ENOX1: variants seen among roughly 807,000 people sequenced by gnomAD.
ENOX1 encodes candidate growth-related and time keeping constitutive hydroquinone (NADH) oxidase.
In ENOX1, 42 loss-of-function variants were observed where a neutral mutation model predicts 82.5. The observed-to-expected ratio is 0.51, with a 90% CI of 0.40 to 0.66. The LOEUF (loss-of-function observed/expected upper bound fraction) is 0.66. Ranked by LOEUF, ENOX1 falls within the 30% of genes least tolerant of loss-of-function variation. ENOX1 has a pLI of 0.00. For missense variants in ENOX1, 608 were observed against 811.6 expected, an observed-to-expected ratio of 0.75 and a Z score of 3.05; for synonymous variants, 271 against 282.2, an observed-to-expected ratio of 0.96 and a Z score of 0.40.
intron 9 of ENOX1, among the ~76,000 whole-genome samples, chr13:43,341,031 C>T (rs2049021402): frequency 1.3e-5 from 2 of 152,164 alleles, no homozygotes; most frequent in African/African-American, 4.8e-5. Flanking sequence ...GGCACAGTGG[C>T]TTACACCTGT....
intron 2 of ENOX1, among the ~76,000 whole-genome samples, chr13:43,504,292 C>T (rs1000859878): frequency 1.3e-5 from 2 of 151,626 alleles, no homozygotes; most frequent in Non-Finnish European, 3.0e-5. Context: ...AGAACTACCA[C>T]TGGATAGTAG....
At chr13:43,457,851 C>T (rs2057300987) in intron 3 of ENOX1, among the ~76,000 whole-genome samples, 1 of 152,094 alleles carries the variant, frequency 6.6e-6, no homozygotes, top group South Asian at 2.1e-4. Flanking sequence ...CATGTCCAGA[C>T]CAACTTCTAA....
intron 2 of ENOX1, among the ~76,000 whole-genome samples, chr13:43,578,644 T>C (rs2080553682): frequency 6.6e-6 from 1 of 152,198 alleles, no homozygotes; most frequent in Non-Finnish European, 1.5e-5. Context: ...CACTTTTTTG[T>C]TCACAATGCA....
At chr13:43,413,470 G>C (rs9533479) in intron 3 of ENOX1, among the ~76,000 whole-genome samples, 149,175 of 152,040 alleles carry the variant, frequency 0.98, 73,254 homozygotes, top group East Asian at 1. Flanking sequence ...AAGGAAAAAG[G>C]AAGAACCCAT....
At chr13:43,542,447 T>C (rs1167685387) in intron 2 of ENOX1, among the ~76,000 whole-genome samples, 1 of 149,326 alleles carries the variant, frequency 6.7e-6, no homozygotes, top group South Asian at 2.2e-4. Context: ...TTTTTTTTTT[T>C]TTTCTAATGA....
chr13:43,701,509 G>A (rs546664325), intron 1 of ENOX1, among the ~76,000 whole-genome samples: 18 of 152,064 alleles, frequency 1.2e-4, no homozygotes, highest in Non-Finnish European at 2.5e-4. Flanking sequence ...ATACCTTAGT[G>A]CTTACACAAA....
At chr13:43,461,576 A>G (rs1421457558) in intron 3 of ENOX1, among the ~76,000 whole-genome samples, 11 of 152,220 alleles carry the variant, frequency 7.2e-5, no homozygotes, top group Non-Finnish European at 1.5e-4. Context: ...ATCAAGGCAA[A>G]TGACCCCACC....
At chr13:43,774,997 G>A (rs1320017523) in intron 1 of ENOX1, among the ~76,000 whole-genome samples, 4 of 151,942 alleles carry the variant, frequency 2.6e-5, no homozygotes, top group African/African-American at 9.7e-5. Flanking sequence ...ACAGGTGCCT[G>A]CCATCATGCC....
intron 2 of ENOX1, among the ~76,000 whole-genome samples, chr13:43,576,576 G>A (rs1471416398): frequency 3.3e-5 from 5 of 151,934 alleles, no homozygotes; most frequent in Non-Finnish European, 2.9e-5. Context: ...AGTACATACT[G>A]CTACTGAAAA....
intron 11 of ENOX1, chr13:43,320,968 G>A (rs1484480077): frequency 2.3e-6 from 1 of 439,290 alleles, no homozygotes; most frequent in Admixed American, 2.4e-5. Context: ...GAGTAAAGCA[G>A]TCCTGAGGAA....
intron 3 of ENOX1, among the ~76,000 whole-genome samples, chr13:43,416,799 T>C (rs2054617001): frequency 6.6e-6 from 1 of 150,772 alleles, no homozygotes; most frequent in Non-Finnish European, 1.5e-5. Flanking sequence ...CCCCACTTCC[T>C]AGATGGGGTG....
intron 2 of ENOX1, among the ~76,000 whole-genome samples, chr13:43,555,160 C>T (rs2079378975): frequency 1.3e-5 from 2 of 152,108 alleles, no homozygotes; most frequent in African/African-American, 2.4e-5. Flanking sequence ...TATCCCAAAG[C>T]TTTCATGAGT....
chr13:43,221,224 C>T lies in ENOX1; in HGVS notation c.1800+2829G>A, dbSNP rs138626152. 1.9e-3 allele frequency among the ~76,000 whole-genome samples: 292 copies of T among 152,266 alleles called. 1 individual carries two copies. The highest frequency in any genetic ancestry group is 6.8e-3 in the African/African-American group (282 of 41,548). ...GGTGTGTAGAGGGGGCAACCAGACA[C>T]GCTTGGAAAACTGAGCCTTCATCTC... On this transcript the variant is annotated intron_variant, in intron 16 of 16. Transcript: ENST00000690772.
At chr13:43,439,695 T>C (rs1165311159) in intron 3 of ENOX1, among the ~76,000 whole-genome samples, 2 of 152,190 alleles carry the variant, frequency 1.3e-5, no homozygotes, top group East Asian at 3.8e-4. Context: ...CTTTTACATA[T>C]TTTTCATTTA....
intron 5 of ENOX1, among the ~76,000 whole-genome samples, chr13:43,364,161 C>A (rs2050697090): frequency 6.6e-6 from 1 of 152,116 alleles, no homozygotes; most frequent in Non-Finnish European, 1.5e-5. Context: ...ATATGATGTA[C>A]TCGCTCATTA....
chr13:43,533,832 TCTGAAGTACTGAGGAATTTTCATTG>T (rs1373212599), intron 2 of ENOX1, among the ~76,000 whole-genome samples: 1 of 152,162 alleles, frequency 6.6e-6, no homozygotes, highest in Non-Finnish European at 1.5e-5. Context: ...TAAAATGTAT[TCTGAAGTACTGAGGAATTTTCATTG>T]TTATGGAGGC....
At chr13:43,307,599 T>G (rs1566473690) in intron 11 of ENOX1, among the ~76,000 whole-genome samples, 1 of 152,222 alleles carries the variant, frequency 6.6e-6, no homozygotes, top group Non-Finnish European at 1.5e-5. Context: ...CCTTCTCTCC[T>G]GCTTTTACAA....
At chr13:43,264,273 A>G (rs941247847) in intron 14 of ENOX1, among the ~76,000 whole-genome samples, 1 of 152,224 alleles carries the variant, frequency 6.6e-6, no homozygotes, top group African/African-American at 2.4e-5. Flanking sequence ...TTCAAACTAC[A>G]TCACATCATA....
Position 43,642,875 on chromosome 13 carries a change from A to G in ENOX1, c.-219+24604T>C, listed in dbSNP as rs150944288. 3.9e-3 allele frequency among the ~76,000 whole-genome samples: 601 copies of G among 152,302 alleles called. 16 individuals carry two copies. Among genetic ancestry groups the G allele is most frequent in the Admixed American group, 0.034 (523 of 15,302 alleles). ...ACGTAAGCTGATATTCTCTTTCCTC[A>G]TTTATACTACAGCTATGTTTGTACT... On this transcript the variant is annotated intron_variant, in intron 2 of 16. Coordinates refer to ENST00000690772, the MANE Select transcript of ENOX1 (RefSeq NM_001347969.2).
Sources: allele counts gnomAD v4.1 joint callset (sites outside exome capture counted in the v4.1 genomes callset), GRCh38; gene constraint gnomAD v4.1.1; transcripts MANE v1.5; gene names NCBI Gene and HGNC (gene_info 2026-07-23, HGNC 2026-07-21).